ZNF608: variants seen among roughly 807,000 people sequenced by gnomAD.
The protein encoded by ZNF608 is zinc finger protein 608.
In ZNF608, 12 loss-of-function variants were observed where a neutral mutation model predicts 109.0. That is an observed-to-expected ratio of 0.11 (90% confidence interval 0.07 to 0.18). The LOEUF is 0.18. Among genes scored for constraint, ZNF608 ranks in the 10% least tolerant of loss-of-function variants. The probability of loss-of-function intolerance (pLI) is 1.00; values close to 1 mark genes in which losing one functional copy is unlikely to be tolerated. For synonymous variants in ZNF608, 732 were observed against 717.4 expected (o/e 1.02, Z -0.33); for missense variants, 1,707 against 1,879.3 (o/e 0.91, Z 1.70).
chr5:124,681,298 C>CA (rs941296514), intron 3 of ZNF608, among the ~76,000 whole-genome samples: 28 of 151,630 alleles, frequency 1.8e-4, no homozygotes, highest in South Asian at 4.2e-4. Context: ...AATAAAAATA[C>CA]AAAAAAAAGT....
chr5:124,715,053 T>C (rs1753637761), intron 2 of ZNF608, among the ~76,000 whole-genome samples: 1 of 152,202 alleles, frequency 6.6e-6, no homozygotes, highest in South Asian at 2.1e-4. Flanking sequence ...TTAAGAATGC[T>C]TGCTTCAGCT....
At chr5:124,687,647 C>A (rs1007648036) in intron 3 of ZNF608, among the ~76,000 whole-genome samples, 1 of 152,220 alleles carries the variant, frequency 6.6e-6, no homozygotes, top group Middle Eastern at 3.4e-3. Context: ...ATTGTGCCCA[C>A]GAGCCGAATT....
Position 124,639,226 on chromosome 5 carries a change from A to G in ZNF608, c.4451-12T>C, listed in dbSNP as rs1750123610. 6.2e-7 allele frequency: 1 copy of G among 1,613,462 alleles called. No homozygotes were observed. Among genetic ancestry groups the G allele is most frequent in the African/African-American group, 1.3e-5 (1 of 74,936 alleles). On this transcript the variant is annotated splice_polypyrimidine_tract_variant and intron_variant, in intron 8 of 9. Coordinates refer to ENST00000513986, the MANE Select transcript of ZNF608 (RefSeq NM_020747.3). ...AGCAGAGGTCAAGCCTAATGGGGAA[A>G]AAATGTAGAGTGTCTGTGATCTTTA...
intron 3 of ZNF608, among the ~76,000 whole-genome samples, chr5:124,699,817 T>C (rs760107136): frequency 3.1e-4 from 47 of 152,174 alleles, no homozygotes; most frequent in Non-Finnish European, 5.6e-4. Flanking sequence ...TTTGTCACTA[T>C]CCTTAACTAT....
chr5:124,647,152 G>A lies in ZNF608; in HGVS notation c.3232C>T (p.Leu1078Phe), dbSNP rs1371151498. ...TQRHPALAQS[L>F]YYGQYAYGLY... ...CCATATGCATACTGGCCATAATAAA[G>A]TGACTGAGCCAGGGCAGGATGTCTT... The change falls in exon 5 of 10, where the codon CTT becomes TTT. Residue 1078 changes from leucine to phenylalanine, a missense_variant. Around this residue, in one of 7 missense-constraint regions of ZNF608, gnomAD observed 1,073 missense variants for 1,133.5 expected, o/e 0.95. Coordinates refer to ENST00000513986, the MANE Select transcript of ZNF608 (RefSeq NM_020747.3). 1 of 1,614,084 alleles carries A rather than the reference G, an allele frequency of 6.2e-7. No homozygotes were observed. Among genetic ancestry groups the A allele is most frequent in the Non-Finnish European group, 8.5e-7 (1 of 1,180,046 alleles).
intron 3 of ZNF608, among the ~76,000 whole-genome samples, chr5:124,694,142 A>ATTTTTTTTT (rs11320730): frequency 0.022 from 1,422 of 63,990 alleles, 8 homozygotes; most frequent in East Asian, 0.042. Context: ...CGCTCGGCTA[A>ATTTTTTTTT]TTTTTTTTTT....
rs372751012 is a variant in ZNF608 at position 124,643,671 on chromosome 5, G to C, written c.4136C>G (p.Ser1379Cys). ...ATAAACAGGATAATGAAATCCTGGA[G>C]AGAGATATGCCCCTGCAGATAAACA... ...LMHSYPGAYLSPGFHYPVYGK... is the reference protein window; with the variant it reads ...LMHSYPGAYLCPGFHYPVYGK... Residue 1379 changes from serine (S) to cysteine (C), a missense_variant, in exon 7 of 10, where the codon TCT becomes TGT. Around this residue, in one of 7 missense-constraint regions of ZNF608, gnomAD observed 1,073 missense variants for 1,133.5 expected, o/e 0.95. Coordinates refer to ENST00000513986, the MANE Select transcript of ZNF608 (RefSeq NM_020747.3). 2 of 1,614,018 alleles carry C rather than the reference G, an allele frequency of 1.2e-6. No individual in the cohort carries two copies. The highest frequency in any genetic ancestry group is 2.7e-5 in the African/African-American group (2 of 74,914).
chr5:124,712,630 A>G (rs1753542916), intron 2 of ZNF608, among the ~76,000 whole-genome samples: 1 of 152,164 alleles, frequency 6.6e-6, no homozygotes, highest in African/African-American at 2.4e-5. Context: ...TCTGGTGTCC[A>G]ATGACACCAA....
At position 124,637,780 on chromosome 5, in the gene ZNF608, T is replaced by A. The variant is rs1331188731; in HGVS notation, c.*120A>T. On this transcript the variant is annotated 3_prime_UTR_variant, in exon 10 of 10. Transcript: ENST00000513986. The stretch of plus-strand genomic sequence containing the variant: ...TGATAAAATCTGTAATTTACAAAAA[T>A]GAAATGACTGGTTTTTGCCTGCCAT... The A allele has an allele frequency of 1.0e-6, 1 of 996,172 alleles. No homozygotes were observed. The highest frequency in any genetic ancestry group is 1.5e-6 in the Non-Finnish European group (1 of 673,142). 61.7% of individuals were successfully genotyped at this position (996,172 alleles called of 1,614,324 possible). A position where few individuals can be genotyped will look rare whatever the true frequency, so the allele number is the denominator to read the frequency against.
chr5:124,661,473 T>C (rs1751255290), intron 3 of ZNF608, among the ~76,000 whole-genome samples: 1 of 126,032 alleles, frequency 7.9e-6, no homozygotes, highest in Non-Finnish European at 1.7e-5. Context: ...AGTTCTTATC[T>C]TTCAGGGAAG....
chr5:124,745,039 G>T lies in ZNF608; in HGVS notation c.-50C>A. On this transcript the variant is annotated 5_prime_UTR_variant, in exon 2 of 10. Transcript: ENST00000513986. ...AAAATCCGATGAACTTTTCTTTGGA[G>T]ATGAGGGGACATTCGTTTATCTCCG... The T allele has an allele frequency of 6.5e-7, 1 of 1,538,072 alleles. No homozygotes were observed.
chr5:124,644,373 C>A lies in ZNF608; in HGVS notation c.3994G>T (p.Val1332Phe). ...WKDSRGTRVAVSSPMSQHQSY... is the reference protein window; with the variant it reads ...WKDSRGTRVAFSSPMSQHQSY... Reference sequence around the variant, plus strand: ...TGATGCTGACTCATGGGTGAGGAGACAGCCACTCTTGTTCCCCGAGAGTCC... The same window carrying A: ...TGATGCTGACTCATGGGTGAGGAGAAAGCCACTCTTGTTCCCCGAGAGTCC... Residue 1332 changes from valine (V) to phenylalanine (F), a missense_variant, in exon 6 of 10, where the codon GTC becomes TTC. By Grantham distance (50) the Val-to-Phe change is conservative. This residue lies in a region of ZNF608 where 1,073 missense variants were observed against 1,133.5 expected (regional missense o/e 0.95). Transcript: ENST00000513986. 1.2e-6 allele frequency: 2 copies of A among 1,614,160 alleles called. No individual in the cohort carries two copies. The highest frequency in any genetic ancestry group is 1.7e-6 in the Non-Finnish European group (2 of 1,180,034).
At chr5:124,740,603 C>T (rs1749350997) in intron 2 of ZNF608, among the ~76,000 whole-genome samples, 2 of 151,440 alleles carry the variant, frequency 1.3e-5, no homozygotes, top group South Asian at 4.2e-4. Flanking sequence ...GCCAGAATTC[C>T]CTGGTGAAGT....
intron 3 of ZNF608, among the ~76,000 whole-genome samples, chr5:124,681,341 C>A (rs1752188438): frequency 6.6e-6 from 1 of 152,030 alleles, no homozygotes; most frequent in South Asian, 2.1e-4. Flanking sequence ...CCTGTAATCC[C>A]AGCTACTCAA....
At position 124,701,124 on chromosome 5, in the gene ZNF608, C is replaced by G; in HGVS notation, c.1052G>C (p.Gly351Ala). Residue 351 changes from glycine (G) to alanine (A), a missense_variant, in exon 3 of 10, where the codon GGT (glycine) becomes GCT (alanine). Gly to Ala is a moderately conservative substitution (Grantham distance 60, BLOSUM62 0). Coordinates refer to ENST00000513986, the MANE Select transcript of ZNF608 (RefSeq NM_020747.3). ...EQLLVRTRSV[G>A]VNTCEVGVVT... is the part of the protein sequence containing the mutation. Reference sequence around the variant, plus strand: ...TACTCCAACTTCACATGTATTGACACCCACAGAACGAGTCCGAACCAAAAG... The same window carrying G: ...TACTCCAACTTCACATGTATTGACAGCCACAGAACGAGTCCGAACCAAAAG... 6.2e-7 allele frequency: 1 copy of G among 1,614,194 alleles called. No homozygotes were observed.
upstream of ZNF608, chr5:124,748,636 A>G (rs1051515304): frequency 9.3e-6 from 8 of 857,186 alleles, no homozygotes; most frequent in Non-Finnish European, 1.1e-5. Flanking sequence ...CAAATTTATT[A>G]TTAAAGAAGA....
At chr5:124,682,617 T>C (rs1752243004) in intron 3 of ZNF608, among the ~76,000 whole-genome samples, 1 of 152,214 alleles carries the variant, frequency 6.6e-6, no homozygotes, top group Non-Finnish European at 1.5e-5. Context: ...ATATAGAACT[T>C]ATACTTGGTG....
chr5:124,742,992 T>C (rs1030484001), intron 2 of ZNF608, among the ~76,000 whole-genome samples: 3 of 152,236 alleles, frequency 2.0e-5, no homozygotes, highest in Non-Finnish European at 2.9e-5. Context: ...ATTAATTTCA[T>C]AGAAATATCA....
chr5:124,728,562 G>A (rs77321237), intron 2 of ZNF608, among the ~76,000 whole-genome samples: 2 of 152,058 alleles, frequency 1.3e-5, no homozygotes, highest in East Asian at 3.9e-4. Flanking sequence ...CAACATGTCT[G>A]GCCTTCTGCT....
Sources: allele counts gnomAD v4.1 joint callset (sites outside exome capture counted in the v4.1 genomes callset), GRCh38; gene constraint gnomAD v4.1.1; regional missense constraint gnomAD v4.1.1; transcripts MANE v1.5; gene names NCBI Gene and HGNC (gene_info 2026-07-23, HGNC 2026-07-21).